SRPK2: variants seen among roughly 807,000 people sequenced by gnomAD.
The protein encoded by SRPK2 is SFRS protein kinase 2.
In SRPK2, 21 loss-of-function variants were observed where a neutral mutation model predicts 90.8. That is an observed-to-expected ratio of 0.23 (90% CI 0.16 to 0.33). The LOEUF (loss-of-function observed/expected upper bound fraction) is 0.33, where lower values mean the gene tolerates loss of function less well. Ranked by LOEUF, SRPK2 falls within the 10% of genes least tolerant of loss-of-function variation. The probability of loss-of-function intolerance (pLI) is 1.00; values close to 1 mark genes in which losing one functional copy is unlikely to be tolerated. For synonymous variants in SRPK2, 288 were observed against 311.1 expected (o/e 0.93, Z 0.78); for missense variants, 620 against 869.0 (o/e 0.71, Z 3.60).
rs1171481954 is a variant in SRPK2, at chr7:105,175,747, A to G, written c.230-6482T>C. Among the ~76,000 whole-genome samples the G allele has an allele frequency of 2.0e-5, 3 of 152,132 alleles. No individual in the cohort carries two copies. The East Asian group carries it at 5.8e-4, about 29-fold the overall frequency. The stretch of plus-strand genomic sequence containing the variant: ...AAGGGAATATTATCATGTTATACCT[A>G]TACATGTGAAAACTTAGATAAAATG... On this transcript the variant is annotated intron_variant, in intron 3 of 15. Coordinates refer to ENST00000393651, the MANE Select transcript of SRPK2 (RefSeq NM_182692.3).
chr7:105,391,082 A>T (rs1024054315), upstream of SRPK2, among the ~76,000 whole-genome samples: 28 of 152,236 alleles, frequency 1.8e-4, no homozygotes, highest in Admixed American at 8.5e-4. Flanking sequence ...GCAAATGACC[A>T]AACTAGCATG....
intron 11 of SRPK2, among the ~76,000 whole-genome samples, chr7:105,139,593 G>A (rs1202445122): frequency 6.6e-6 from 1 of 152,186 alleles, no homozygotes; most frequent in Non-Finnish European, 1.5e-5. Context: ...AATAGGATAA[G>A]TCTTATGACT....
intron 3 of SRPK2, among the ~76,000 whole-genome samples, chr7:105,182,408 G>T (rs1195613853): frequency 6.6e-6 from 1 of 150,918 alleles, no homozygotes; most frequent in Non-Finnish European, 1.5e-5. Flanking sequence ...ACTTTGAAGA[G>T]CCTTGAGATT....
intron 2 of SRPK2, among the ~76,000 whole-genome samples, chr7:105,312,237 C>T (rs1318675594): frequency 6.6e-6 from 1 of 151,954 alleles, no homozygotes; most frequent in Non-Finnish European, 1.5e-5. Context: ...GTCAGGAGTT[C>T]GAGACCAGCC....
chr7:105,176,903 G>C (rs1280469250), intron 3 of SRPK2, among the ~76,000 whole-genome samples: 1 of 152,084 alleles, frequency 6.6e-6, no homozygotes, highest in Non-Finnish European at 1.5e-5. Flanking sequence ...CCAAAGTGCT[G>C]GGATTACAGG....
intron 13 of SRPK2, among the ~76,000 whole-genome samples, chr7:105,129,563 T>C (rs956866915): frequency 1.3e-5 from 2 of 151,098 alleles, no homozygotes; most frequent in African/African-American, 4.9e-5. Flanking sequence ...TCAGTAGAGA[T>C]GGGGTTTTGC....
intron 2 of SRPK2, among the ~76,000 whole-genome samples, chr7:105,253,307 T>C (rs1802745127): frequency 6.6e-6 from 1 of 152,226 alleles, no homozygotes; most frequent in Non-Finnish European, 1.5e-5. Flanking sequence ...CAGCATATCT[T>C]ATAGCCTTCC....
At chr7:105,160,402 G>T in intron 7 of SRPK2, 105 bp downstream of exon 7, 1 of 634,346 alleles carries the variant, frequency 1.6e-6, no homozygotes, top group Non-Finnish European at 2.9e-6. Flanking sequence ...TATACATTAT[G>T]CACTGATACA....
chr7:105,234,562 C>T (rs189468587), intron 2 of SRPK2, among the ~76,000 whole-genome samples: 1 of 152,224 alleles, frequency 6.6e-6, no homozygotes, highest in African/African-American at 2.4e-5. Context: ...CGTCCAGAGA[C>T]TGAGAAACAT....
chr7:105,337,901 A>AT (rs1815293622), intron 2 of SRPK2, among the ~76,000 whole-genome samples: 1 of 152,192 alleles, frequency 6.6e-6, no homozygotes, highest in African/African-American at 2.4e-5. Flanking sequence ...TGCAAGAGAT[A>AT]TAACAATAAT....
At chr7:105,267,993 T>C (rs1004329688) in intron 2 of SRPK2, among the ~76,000 whole-genome samples, 1 of 152,146 alleles carries the variant, frequency 6.6e-6, no homozygotes, top group African/African-American at 2.4e-5. Flanking sequence ...ATTTAAGACA[T>C]CATGTAGTAT....
At chr7:105,364,404 C>G (rs1211914582) in intron 2 of SRPK2, among the ~76,000 whole-genome samples, 1 of 116,354 alleles carries the variant, frequency 8.6e-6, no homozygotes, top group Non-Finnish European at 1.8e-5. Flanking sequence ...CCGTGTGTAA[C>G]GTTTTTTTTT....
intron 7 of SRPK2, among the ~76,000 whole-genome samples, chr7:105,159,181 T>G (rs1807036068): frequency 6.6e-6 from 1 of 151,962 alleles, no homozygotes; most frequent in Non-Finnish European, 1.5e-5. Flanking sequence ...TGTTACAGAA[T>G]AAGCTGCCAA....
intron 2 of SRPK2, among the ~76,000 whole-genome samples, chr7:105,265,592 G>A (rs952685953): frequency 3.9e-5 from 6 of 152,142 alleles, no homozygotes; most frequent in African/African-American, 1.2e-4. Context: ...CTAAGAAAGG[G>A]CAAAATGAAG....
intron 2 of SRPK2, among the ~76,000 whole-genome samples, chr7:105,368,820 G>T (rs990207705): frequency 1.3e-5 from 2 of 149,348 alleles, no homozygotes; most frequent in Admixed American, 6.8e-5. Context: ...GGGAGGCAGA[G>T]GTAGGAGTGA....
intron 2 of SRPK2, among the ~76,000 whole-genome samples, chr7:105,279,298 A>AACTTCCAAGG (rs11282671): frequency 0.43 from 65,682 of 151,736 alleles, 15,497 homozygotes; most frequent in South Asian, 0.53. Context: ...TCTGATTTAG[A>AACTTCCAAGG]TAGCTGCTGC....
At chr7:105,336,021 C>A (rs1336803053) in intron 2 of SRPK2, among the ~76,000 whole-genome samples, 1 of 151,134 alleles carries the variant, frequency 6.6e-6, no homozygotes, top group East Asian at 1.9e-4. Context: ...AATTAAATAA[C>A]ATTTACTAAA....
intron 2 of SRPK2, chr7:105,298,812 C>T (rs974960553): frequency 6.1e-6 from 6 of 985,026 alleles, no homozygotes; most frequent in African/African-American, 5.2e-5. Flanking sequence ...GAGGGCTTCA[C>T]GCAGCCCTGC....
intron 2 of SRPK2, among the ~76,000 whole-genome samples, chr7:105,234,139 TATA>T (rs1397443512): frequency 1.3e-5 from 2 of 152,138 alleles, no homozygotes; most frequent in African/African-American, 4.8e-5. Flanking sequence ...CTGCACCAGT[TATA>T]ATAAGGTAAA....
Sources: allele counts gnomAD v4.1 joint callset (sites outside exome capture counted in the v4.1 genomes callset), GRCh38; gene constraint gnomAD v4.1.1; transcripts MANE v1.5; gene names NCBI Gene and HGNC (gene_info 2026-07-23, HGNC 2026-07-21).